ASAP2: variants seen among roughly 807,000 people sequenced by gnomAD.
The protein encoded by ASAP2 is arf-GAP with SH3 domain, ANK repeat and PH domain-containing protein 2.
A neutral mutation model predicts 131.4 loss-of-function variants in ASAP2; 45 were observed. The ratio of observed to expected loss-of-function variants is 0.34; its 90% CI spans 0.27 to 0.44. The LOEUF is 0.44. Among genes scored for constraint, ASAP2 ranks in the 20% least tolerant of loss-of-function variants. The probability of loss-of-function intolerance (pLI) is 1.00; values close to 1 mark genes in which losing one functional copy is unlikely to be tolerated. For missense variants in ASAP2, 1,011 were observed against 1,297.0 expected, an observed-to-expected ratio of 0.78 and a Z score of 3.39; for synonymous variants, 510 against 503.0, an observed-to-expected ratio of 1.01 and a Z score of -0.19.
chr2:9,284,211 C>A (rs765602689), intron 2 of ASAP2, among the ~76,000 whole-genome samples: 1 of 152,178 alleles, frequency 6.6e-6, no homozygotes, highest in Non-Finnish European at 1.5e-5. Context: ...GTGGAGGAGA[C>A]GTTATTCTGT....
rs570166839 is a variant in ASAP2, at chr2:9,215,566, A to G, written c.126+8336A>G. On this transcript the variant is annotated intron_variant, in intron 1 of 27. Coordinates refer to ENST00000281419, the MANE Select transcript of ASAP2 (RefSeq NM_003887.3). ...ATACGATAAATTTCAGTTAGACCCT[A>G]ATGAAAATACAGATAATTTTTTTTT... Among the ~76,000 whole-genome samples, 8 of 152,238 alleles carry G rather than the reference A, an allele frequency of 5.3e-5. No individual in the cohort carries two copies. In the South Asian group the frequency reaches 1.4e-3, roughly 28 times the overall value.
At chr2:9,239,922 G>C (rs1026530350) in intron 1 of ASAP2, among the ~76,000 whole-genome samples, 1 of 152,022 alleles carries the variant, frequency 6.6e-6, no homozygotes, top group Non-Finnish European at 1.5e-5. Context: ...TTTTTGTCAT[G>C]TTTAAGTGAC....
chr2:9,360,518 C>G (rs941004885), intron 15 of ASAP2, among the ~76,000 whole-genome samples: 5 of 152,146 alleles, frequency 3.3e-5, no homozygotes, highest in African/African-American at 9.7e-5. Flanking sequence ...CTGTCCTTCC[C>G]TATCACCGTC....
At chr2:9,387,077 G>GGA (rs386642992) in intron 21 of ASAP2, among the ~76,000 whole-genome samples, 1 of 148,524 alleles carries the variant, frequency 6.7e-6, no homozygotes, top group African/African-American at 2.5e-5. Flanking sequence ...TTGGTGGTGG[G>GGA]TGGGGGGGCG....
rs763145364 is a variant in ASAP2, at chr2:9,304,887, C to G, written c.345+7442C>G. ...ATAGTGGGGTATAGATATTGGTGGA[C>G]AGGCTGGAGTAGTGGGGTGTAGATG... On this transcript the variant is annotated intron_variant, in intron 3 of 27. Coordinates refer to ENST00000281419, the MANE Select transcript of ASAP2 (RefSeq NM_003887.3). Among the ~76,000 whole-genome samples the G allele has an allele frequency of 2.6e-3, 284 of 107,710 alleles. 4 individuals carry two copies. In the Middle Eastern group the frequency reaches 0.064, roughly 24 times the overall value. 70.7% of individuals were successfully genotyped at this position (107,710 alleles called of 152,430 possible).
intron 16 of ASAP2, among the ~76,000 whole-genome samples, chr2:9,370,030 G>A (rs1017521177): frequency 6.6e-6 from 1 of 152,100 alleles, no homozygotes; most frequent in Non-Finnish European, 1.5e-5. Context: ...AGTAGAGATG[G>A]GGTTTCACCA....
intron 1 of ASAP2, among the ~76,000 whole-genome samples, chr2:9,266,734 A>C (rs1665973927): frequency 3.3e-5 from 5 of 152,212 alleles, no homozygotes; most frequent in Admixed American, 2.6e-4. Context: ...TTGCTACTTT[A>C]GGAGCTCAGA....
chr2:9,208,937 T>C (rs1444612277), intron 1 of ASAP2, among the ~76,000 whole-genome samples: 1 of 152,106 alleles, frequency 6.6e-6, no homozygotes, highest in African/African-American at 2.4e-5. Context: ...GTCAGTTAAA[T>C]ATTATTAACA....
chr2:9,324,467 T>G (rs1177885664), intron 6 of ASAP2, among the ~76,000 whole-genome samples: 3 of 152,210 alleles, frequency 2.0e-5, no homozygotes. Flanking sequence ...GGCTGCCAAG[T>G]CCAAGGTTGA....
intron 11 of ASAP2, among the ~76,000 whole-genome samples, chr2:9,345,400 C>A (rs963669598): frequency 6.6e-6 from 1 of 152,116 alleles, no homozygotes; most frequent in African/African-American, 2.4e-5. Flanking sequence ...TATGAAAAGC[C>A]GGTCAGGATA....
intron 1 of ASAP2, among the ~76,000 whole-genome samples, chr2:9,226,564 G>A (rs983863068): frequency 3.3e-5 from 5 of 152,166 alleles, no homozygotes; most frequent in African/African-American, 1.2e-4. Context: ...GTGGTAAAGG[G>A]GGAGTTGGGA....
intron 1 of ASAP2, among the ~76,000 whole-genome samples, chr2:9,218,338 G>A (rs1464358271): frequency 6.6e-6 from 1 of 152,240 alleles, no homozygotes; most frequent in Non-Finnish European, 1.5e-5. Context: ...CATCAGAAGT[G>A]TTTATTAACT....
chr2:9,308,474 C>G (rs1013994421), intron 3 of ASAP2, among the ~76,000 whole-genome samples: 2 of 152,218 alleles, frequency 1.3e-5, no homozygotes, highest in Non-Finnish European at 2.9e-5. Flanking sequence ...AGCGGGGACA[C>G]AGACCCAAAC....
chr2:9,252,980 A>G (rs920204591), intron 1 of ASAP2, among the ~76,000 whole-genome samples: 6 of 151,618 alleles, frequency 4.0e-5, no homozygotes, highest in African/African-American at 1.5e-4. Flanking sequence ...CACTGGTCCT[A>G]CACCAAGCAT....
rs1415863114 is a variant in ASAP2, at chr2:9,351,005, A to G, written c.1111+110A>G. 8 of 811,228 alleles carry G rather than the reference A, an allele frequency of 9.9e-6. No individual in the cohort carries two copies. The Admixed American group carries it at 2.4e-4, about 24-fold the overall frequency. 50.3% of individuals were successfully genotyped at this position (811,228 alleles called of 1,614,324 possible). On this transcript the variant is annotated intron_variant, in intron 12 of 27. Transcript: ENST00000281419. ...TTCGGAAGAATTGGTTTTTGAAGAG[A>G]CATACCCTTTTTCTAGTGATATGCG...
chr2:9,277,662 C>T (rs10210957), intron 1 of ASAP2, among the ~76,000 whole-genome samples: 16,515 of 152,166 alleles, frequency 0.11, 942 homozygotes, highest in African/African-American at 0.15. Context: ...GTTAACATCC[C>T]GCACTACAAG....
chr2:9,382,326 G>C (rs1674928172), intron 20 of ASAP2, among the ~76,000 whole-genome samples: 1 of 152,140 alleles, frequency 6.6e-6, no homozygotes. Flanking sequence ...CATAGTTTCT[G>C]CTGTTGTCCT....
chr2:9,247,358 A>G (rs1035751016), intron 1 of ASAP2, among the ~76,000 whole-genome samples: 3 of 152,108 alleles, frequency 2.0e-5, no homozygotes, highest in African/African-American at 7.2e-5. Flanking sequence ...ATGCCTAGGG[A>G]GTCCCAGACG....
intron 16 of ASAP2, among the ~76,000 whole-genome samples, chr2:9,369,857 T>A (rs1294873086): frequency 9.2e-5 from 14 of 152,066 alleles, no homozygotes; most frequent in Admixed American, 9.2e-4. Context: ...AATTTAGATT[T>A]TTTTTTCCCC....
Sources: gnomAD v4.1 joint callset for allele counts (sites outside exome capture counted in the v4.1 genomes callset) on GRCh38, gnomAD v4.1.1 for gene constraint, MANE v1.5 for transcripts, NCBI Gene and HGNC (gene_info 2026-07-23, HGNC 2026-07-21) for gene names.